INTU: variants seen among roughly 807,000 people sequenced by gnomAD.
INTU encodes protein inturned.
INTU carries 68 observed loss-of-function variants against 100.5 expected under a neutral mutation model. That is an observed-to-expected ratio of 0.68 (90% confidence interval 0.56 to 0.83). The LOEUF (loss-of-function observed/expected upper bound fraction) is 0.83. INTU is among the 40% of genes least tolerant of loss of function. The pLI, the probability that INTU is intolerant of heterozygous loss-of-function variation, is 0.00. For missense variants in INTU, 1,071 were observed against 1,114.7 expected, an observed-to-expected ratio of 0.96 and a Z score of 0.56; for synonymous variants, 357 against 395.7, an observed-to-expected ratio of 0.90 and a Z score of 1.16.
chr4:127,705,458 A>G (rs771504016), intron 10 of INTU, 133 bp from the exon 11 acceptor site: 8 of 690,000 alleles, frequency 1.2e-5, no homozygotes, highest in Non-Finnish European at 2.0e-5. Flanking sequence ...CTTTTACTAT[A>G]TCTTCATTTA....
Position 127,704,239 on chromosome 4 carries a change from C to T in INTU, c.1515C>T (p.Tyr505=). The T allele has an allele frequency of 1.9e-6, 3 of 1,609,044 alleles. No homozygotes were observed. The highest frequency in any genetic ancestry group is 2.5e-6 in the Non-Finnish European group (3 of 1,177,426). ...AADFAELSED[Y]YDMRRLYTIL... ...AATTTTTCCCCCAGTCCGAGGATTA[C>T]TATGACATGAGGCGGCTGTATACAA... The change falls in exon 10 of 16, where the codon TAC becomes TAT. Residue 505 remains tyrosine, a synonymous_variant. Transcript: ENST00000335251.
At chr4:127,674,086 AG>A (rs1729061173) in intron 5 of INTU, 37 bp from the exon 6 acceptor site, 1 of 1,326,258 alleles carries the variant, frequency 7.5e-7, no homozygotes, top group East Asian at 2.3e-5. Flanking sequence ...TGACATTTAA[AG>A]GTATTCTAAC....
chr4:127,635,113 GTT>G lies in INTU; in HGVS notation c.146+1935_146+1936del, dbSNP rs537667852. Among the ~76,000 whole-genome samples, 998 of 152,208 alleles carry G rather than the reference GTT, an allele frequency of 6.6e-3. 12 individuals are homozygous for G. Among genetic ancestry groups the G allele is most frequent in the African/African-American group, 0.022 (934 of 41,536 alleles). ...CTGCGTGTTCTTTTTAGAAGTTACT[GTT>G]TCATACATGCTTTGTACCTGAGCTG... is the stretch of plus-strand genomic sequence containing the variant. On this transcript the variant is annotated intron_variant, in intron 1 of 15. Transcript: ENST00000335251.
intron 2 of INTU, among the ~76,000 whole-genome samples, chr4:127,650,890 C>G (rs1451000559): frequency 6.6e-6 from 1 of 152,148 alleles, no homozygotes; most frequent in Non-Finnish European, 1.5e-5. Context: ...CTGTTGTTTC[C>G]CGGCTTTTTA....
intron 5 of INTU, among the ~76,000 whole-genome samples, chr4:127,670,361 T>A (rs1358368217): frequency 6.6e-6 from 1 of 151,882 alleles, no homozygotes; most frequent in East Asian, 1.9e-4. Context: ...AGGTAGAATC[T>A]ACAAGGCAAT....
In INTU at chr4:127,726,446, C is replaced by T. The variant is rs547671392; in HGVS notation, c.*10010C>T. ...TACTACTGCTACCATTTATTATTAT[C>T]ATTATTAAATATCCATTGGTTGAAA... On this transcript the variant is annotated 3_prime_UTR_variant, in exon 16 of 16. Coordinates refer to ENST00000335251, the MANE Select transcript of INTU (RefSeq NM_015693.4). The T allele has an allele frequency of 2.0e-5, 3 of 152,178 alleles. No individual in the cohort carries two copies. Among genetic ancestry groups the T allele is most frequent in the Non-Finnish European group, 4.4e-5 (3 of 68,036 alleles). 9.4% of individuals were successfully genotyped at this position (152,178 alleles called of 1,614,324 possible).
intron 12 of INTU, 63 bp downstream of exon 12, chr4:127,707,032 T>C: frequency 6.6e-7 from 1 of 1,518,144 alleles, no homozygotes. Context: ...CCTTGTTTTA[T>C]AATTGCAAGA....
rs574801039 is a variant in INTU at position 127,647,046 on chromosome 4, C to G, written c.682+2990C>G. Among the ~76,000 whole-genome samples the G allele has an allele frequency of 1.5e-4, 23 of 152,288 alleles. 1 individual carries two copies. The South Asian group carries it at 4.6e-3, about 30-fold the overall frequency. On this transcript the variant is annotated intron_variant, in intron 2 of 15. Coordinates refer to ENST00000335251, the MANE Select transcript of INTU (RefSeq NM_015693.4). ...ACTCCTTCTATCCATAAATCCCCAC[C>G]TCTAACAAGCAAGCCTGATTTATTT...
intron 13 of INTU, among the ~76,000 whole-genome samples, chr4:127,709,640 G>T (rs1731018146): frequency 6.6e-6 from 1 of 151,842 alleles, no homozygotes; most frequent in Non-Finnish European, 1.5e-5. Context: ...GACATCATGT[G>T]TGGGATCAAC....
At chr4:127,705,873 C>T (rs1032722308) in intron 11 of INTU, 61 bp downstream of exon 11, 255 of 1,390,372 alleles carry the variant, frequency 1.8e-4, no homozygotes, top group East Asian at 5.7e-4. Context: ...TTTTTCTTTT[C>T]GGCAGGGGTT....
chr4:127,679,279 C>T (rs1729395379), intron 6 of INTU, among the ~76,000 whole-genome samples: 1 of 152,138 alleles, frequency 6.6e-6, no homozygotes, highest in South Asian at 2.1e-4. Context: ...GAACTCTCGA[C>T]CCCAAATCAA....
chr4:127,677,763 C>T (rs1035410585), intron 6 of INTU, among the ~76,000 whole-genome samples: 11 of 152,060 alleles, frequency 7.2e-5, no homozygotes, highest in African/African-American at 2.2e-4. Flanking sequence ...ATGACTTTGA[C>T]GAGATGAGAG....
At position 127,706,779 on chromosome 4, in the gene INTU, G is replaced by T; in HGVS notation, c.2081G>T (p.Arg694Ile). The T allele has an allele frequency of 1.9e-6, 3 of 1,614,094 alleles. No individual in the cohort carries two copies. The highest frequency in any genetic ancestry group is 2.5e-6 in the Non-Finnish European group (3 of 1,180,002). ...SKVATSPTCR[R>I]TLFGDYSLKT... is the part of the protein sequence containing the mutation. ...GTAGCAACTTCTCCAACATGCAGAA[G>T]AACGCTTTTTGGTGACTATTCCTTA... The change falls in exon 12 of 16, where the codon AGA becomes ATA. Residue 694 changes from arginine to isoleucine, a missense_variant. Coordinates refer to ENST00000335251, the MANE Select transcript of INTU (RefSeq NM_015693.4).
intron 7 of INTU, 110 bp from the exon 8 acceptor site, chr4:127,687,568 G>T: frequency 1.3e-6 from 1 of 765,546 alleles, no homozygotes; most frequent in Non-Finnish European, 2.2e-6. Context: ...GAAGAGAGGA[G>T]TGAGGAAGAT....
At chr4:127,696,154 GT>G (rs566999710) in intron 8 of INTU, among the ~76,000 whole-genome samples, 1 of 151,194 alleles carries the variant, frequency 6.6e-6, no homozygotes, top group Non-Finnish European at 1.5e-5. Flanking sequence ...CATTTTTTTT[GT>G]TTTTTTCTTA....
Position 127,677,375 on chromosome 4 carries a change from A to G in INTU, c.1181+3162A>G, listed in dbSNP as rs185157157. 5.4e-4 allele frequency among the ~76,000 whole-genome samples: 82 copies of G among 150,834 alleles called. 6 individuals carry two copies. Among genetic ancestry groups the G allele is most frequent in the African/African-American group, 2.0e-3 (82 of 40,132 alleles). The stretch of plus-strand genomic sequence containing the variant: ...CCCAGTAGGGGCAGACTGACACCTC[A>G]CACAGCAGGGTACTCCTCTGAGACA... On this transcript the variant is annotated intron_variant, in intron 6 of 15. Coordinates refer to ENST00000335251, the MANE Select transcript of INTU (RefSeq NM_015693.4).
chr4:127,677,184 A>C (rs1442077036), intron 6 of INTU, among the ~76,000 whole-genome samples: 7 of 152,184 alleles, frequency 4.6e-5, no homozygotes, highest in East Asian at 1.9e-4. Context: ...CACAGACGAA[A>C]AAAAAGACAG....
chr4:127,696,840 A>G (rs1279983778), intron 8 of INTU, among the ~76,000 whole-genome samples: 2 of 151,922 alleles, frequency 1.3e-5, no homozygotes. Flanking sequence ...CCCAAGCACC[A>G]CTTTTGCTGC....
rs529502121 is a variant in INTU, at chr4:127,672,498, T to C, written c.1092-1626T>C. ...TTTTTTTTTTTGCCTTTATTTTTTC[T>C]ACTGTAAAGAATAGATGTTATTTTA... On this transcript the variant is annotated intron_variant, in intron 5 of 15. Transcript: ENST00000335251. Among the ~76,000 whole-genome samples the C allele has an allele frequency of 3.8e-4, 58 of 150,690 alleles. No homozygotes were observed. In the South Asian group the frequency reaches 0.012, roughly 30 times the overall value.
Sources: gnomAD v4.1 joint callset for allele counts (sites outside exome capture counted in the v4.1 genomes callset) on GRCh38, gnomAD v4.1.1 for gene constraint, MANE v1.5 for transcripts, NCBI Gene and HGNC (gene_info 2026-07-23, HGNC 2026-07-21) for gene names.